SH3KBP1: variants seen among roughly 807,000 people sequenced by gnomAD.
The protein encoded by SH3KBP1 is SH3 domain-containing kinase-binding protein 1.
A neutral mutation model predicts 50.1 loss-of-function variants in SH3KBP1; 8 were observed. The ratio of observed to expected loss-of-function variants is 0.16; its 90% CI spans 0.09 to 0.29. The LOEUF is 0.29. Ranked by LOEUF, SH3KBP1 falls within the 10% of genes least tolerant of loss-of-function variation. The pLI, the probability that SH3KBP1 is intolerant of heterozygous loss-of-function variation, is 1.00. For synonymous variants in SH3KBP1, 227 were observed against 218.6 expected (o/e 1.04, Z -0.34); for missense variants, 377 against 535.2 (o/e 0.70, Z 2.92).
intron 1 of SH3KBP1, among the ~76,000 whole-genome samples, chrX:19,878,291 T>C (rs1485199055): frequency 9.7e-6 from 1 of 103,017 alleles, no homozygotes; most frequent in African/African-American, 3.8e-5. Context: ...TTTTCTCCCA[T>C]GATGTAGACC....
At chrX:19,849,030 G>T (rs763673412) in intron 1 of SH3KBP1, among the ~76,000 whole-genome samples, 6 of 110,137 alleles carry the variant, frequency 5.4e-5, no homozygotes, top group Non-Finnish European at 9.5e-5. Context: ...GGCTGGTCTC[G>T]AACTCTTGGG....
chrX:19,740,027 G>GA (rs980245567), intron 3 of SH3KBP1, among the ~76,000 whole-genome samples: 4 of 109,302 alleles, frequency 3.7e-5, no homozygotes, highest in South Asian at 4.0e-4. Context: ...AAACATAACA[G>GA]AAAAAAAAAT....
At chrX:19,763,727 A>C (rs1177726360) in intron 2 of SH3KBP1, among the ~76,000 whole-genome samples, 1 of 112,022 alleles carries the variant, frequency 8.9e-6, no homozygotes, top group Non-Finnish European at 1.9e-5. Context: ...GATTATTTTA[A>C]AAGTACAAAG....
chrX:19,679,975 C>A (rs191410509), intron 6 of SH3KBP1, among the ~76,000 whole-genome samples: 97 of 111,961 alleles, frequency 8.7e-4, no homozygotes, highest in Non-Finnish European at 1.6e-3. Flanking sequence ...TATACAATAT[C>A]TCTCCTGGTG....
At chrX:19,702,605 C>T (rs1407213925) in intron 4 of SH3KBP1, among the ~76,000 whole-genome samples, 1 of 110,339 alleles carries the variant, frequency 9.1e-6, no homozygotes, top group Non-Finnish European at 1.9e-5. Context: ...AAAGTGGCTC[C>T]TTTCCCAGGC....
intron 1 of SH3KBP1, among the ~76,000 whole-genome samples, chrX:19,884,012 G>A (rs186189207): frequency 1.8e-5 from 2 of 111,665 alleles, no homozygotes; most frequent in Admixed American, 1.9e-4. Flanking sequence ...GAGATGCCCC[G>A]CGGTTCCCAC....
At position 19,545,976 on chromosome X, in the gene SH3KBP1, C is replaced by T. The variant is rs774231245; in HGVS notation, c.1569G>A (p.Ala523=). 33 of 1,208,674 alleles carry T rather than the reference C, an allele frequency of 2.7e-5. No homozygotes were observed. The highest frequency in any genetic ancestry group is 3.5e-5 in the African/African-American group (2 of 57,009). ...TCTTTGACGCGTCCACTCCTCTGTG[C>T]GCAAGTGAAATGTGTTCCTCCTTAT... The part of the protein sequence containing the change: ...EEDKEEHISL[A]HRGVDASKKT... Residue 523 remains alanine, a synonymous_variant, in exon 15 of 18, where the codon GCG becomes GCA. Transcript: ENST00000397821.
chrX:19,589,564 C>T (rs1278206519), intron 11 of SH3KBP1, among the ~76,000 whole-genome samples: 1 of 111,371 alleles, frequency 9.0e-6, no homozygotes, highest in Non-Finnish European at 1.9e-5. Context: ...GAAGTTGAAG[C>T]CAGATCTGTT....
chrX:19,738,998 G>A (rs1208802588), intron 3 of SH3KBP1, among the ~76,000 whole-genome samples: 2 of 85,191 alleles, frequency 2.3e-5, no homozygotes, highest in Non-Finnish European at 4.4e-5. Flanking sequence ...GGGATAGAGC[G>A]AGACTCTGCC....
chrX:19,859,342 T>G (rs940259241), intron 1 of SH3KBP1, among the ~76,000 whole-genome samples: 3 of 110,523 alleles, frequency 2.7e-5, no homozygotes. Flanking sequence ...GCAACGGGGT[T>G]TCACCATGTT....
chrX:19,548,226 G>A (rs757932510), intron 14 of SH3KBP1, among the ~76,000 whole-genome samples: 2 of 112,330 alleles, frequency 1.8e-5, no homozygotes, highest in African/African-American at 6.5e-5. Flanking sequence ...TCTCAGGCAT[G>A]GGATGTATGG....
At chrX:19,764,014 CA>C (rs761696272) in intron 2 of SH3KBP1, among the ~76,000 whole-genome samples, 4,485 of 37,476 alleles carry the variant, frequency 0.12, 84 homozygotes, top group African/African-American at 0.17. Context: ...GACTCTGTCT[CA>C]AAAAAAAAAA....
intron 1 of SH3KBP1, among the ~76,000 whole-genome samples, chrX:19,841,298 C>G (rs1050906900): frequency 9.8e-5 from 11 of 112,228 alleles, no homozygotes; most frequent in Non-Finnish European, 1.7e-4. Flanking sequence ...AGACTGCAAC[C>G]TTCATCTGGG....
chrX:19,861,899 TTTA>T (rs1482275824), intron 1 of SH3KBP1, among the ~76,000 whole-genome samples: 1 of 111,919 alleles, frequency 8.9e-6, no homozygotes, highest in East Asian at 2.8e-4. Flanking sequence ...ATAAACAGAT[TTTA>T]TTGTTCTTTG....
Position 19,576,919 on chromosome X carries a change from C to G in SH3KBP1, c.1299-7731G>C, listed in dbSNP as rs150974961. 6.0e-3 allele frequency among the ~76,000 whole-genome samples: 668 copies of G among 111,609 alleles called. 1 individual carries two copies. The highest frequency in any genetic ancestry group is 9.5e-3 in the Non-Finnish European group (506 of 53,051). On this transcript the variant is annotated intron_variant, in intron 12 of 17. Transcript: ENST00000397821. ...AGGCACTCCCTCCCCTCCAGGGCAG[C>G]CCACACCCCATGGTATCAAAGTCTC...
chrX:19,746,425 A>C lies in SH3KBP1; in HGVS notation c.179T>G (p.Met60Arg). 1 of 1,201,288 alleles carries C rather than the reference A, an allele frequency of 8.3e-7. No homozygotes were observed. The highest frequency in any genetic ancestry group is 1.1e-6 in the Non-Finnish European group (1 of 891,926). ...TTTGTTGGTGAGAGGGTCTTTCTTC[A>C]TCTCTTTCTTTATTTCCTGTGAGGA... Reference protein sequence around the residue: ...DNFVREIKKEMKKDPLTNKAP... With the variant: ...DNFVREIKKERKKDPLTNKAP... The change falls in exon 3 of 18, where the codon ATG (methionine) becomes AGG (arginine). Residue 60 changes from methionine to arginine, a missense_variant. Physicochemically the swap from Met to Arg is moderately conservative, Grantham distance 91. Around this residue, in one of 3 missense-constraint regions of SH3KBP1, gnomAD observed 257 missense variants for 374.2 expected, o/e 0.69. Transcript: ENST00000397821.
At chrX:19,685,600 C>T (rs1320678166) in intron 5 of SH3KBP1, among the ~76,000 whole-genome samples, 1 of 111,596 alleles carries the variant, frequency 9.0e-6, no homozygotes, top group African/African-American at 3.3e-5. Context: ...AGAACCCTCC[C>T]CCATTAGCTA....
chrX:19,701,916 A>G (rs2063544555), intron 4 of SH3KBP1, among the ~76,000 whole-genome samples: 1 of 112,204 alleles, frequency 8.9e-6, no homozygotes, highest in South Asian at 3.7e-4. Flanking sequence ...CTACTTTTAT[A>G]TGATTGCAGC....
At chrX:19,574,317 G>C (rs1163937127) in intron 12 of SH3KBP1, among the ~76,000 whole-genome samples, 1 of 112,002 alleles carries the variant, frequency 8.9e-6, no homozygotes, top group African/African-American at 3.2e-5. Context: ...TTTCCTCCTA[G>C]TACAATGCTT....
Sources: gnomAD v4.1 joint callset for allele counts (sites outside exome capture counted in the v4.1 genomes callset) on GRCh38, gnomAD v4.1.1 for gene constraint, gnomAD v4.1.1 regional missense constraint, MANE v1.5 for transcripts, NCBI Gene and HGNC (gene_info 2026-07-23, HGNC 2026-07-21) for gene names.